Variants in SIPA1L3 observed in about 807,000 individuals in gnomAD.
SIPA1L3 encodes the protein signal induced proliferation associated 1 like 3.
In SIPA1L3, 59 loss-of-function variants were observed where a neutral mutation model predicts 150.1. The observed-to-expected ratio is 0.39, with a 90% CI of 0.32 to 0.49. The LOEUF is 0.49. Among genes scored for constraint, SIPA1L3 ranks in the 20% least tolerant of loss-of-function variants. The probability of loss-of-function intolerance (pLI) is 0.86; values close to 1 mark genes in which losing one functional copy is unlikely to be tolerated. For missense variants in SIPA1L3, 2,211 were observed against 2,489.5 expected (o/e 0.89, Z 2.38); for synonymous variants, 1,070 against 1,077.6 (o/e 0.99, Z 0.14).
chr19:38,132,290 T>C (rs1971329978), intron 10 of SIPA1L3, among the ~76,000 whole-genome samples: 1 of 151,458 alleles, frequency 6.6e-6, no homozygotes, highest in African/African-American at 2.4e-5. Context: ...CCGGGTGTGG[T>C]GGCTCACACC....
At chr19:38,102,879 C>G (rs1568551323) in intron 6 of SIPA1L3, among the ~76,000 whole-genome samples, 1 of 152,086 alleles carries the variant, frequency 6.6e-6, no homozygotes, top group Non-Finnish European at 1.5e-5. Context: ...AATCCCAGCA[C>G]TTTGTGAGGC....
chr19:38,028,328 C>G (rs1454392192), intron 1 of SIPA1L3, among the ~76,000 whole-genome samples: 1 of 152,148 alleles, frequency 6.6e-6, no homozygotes, highest in Non-Finnish European at 1.5e-5. Flanking sequence ...CACCGCTTGC[C>G]CCTCACTCAC....
chr19:38,052,946 G>A (rs1431436373), intron 2 of SIPA1L3, among the ~76,000 whole-genome samples: 5 of 152,236 alleles, frequency 3.3e-5, no homozygotes, highest in African/African-American at 9.6e-5. Flanking sequence ...GAGAGTTCTG[G>A]GTGCTGGAGT....
intron 1 of SIPA1L3, among the ~76,000 whole-genome samples, chr19:37,969,924 A>G (rs1438756716): frequency 1.3e-5 from 2 of 152,186 alleles, no homozygotes; most frequent in East Asian, 3.8e-4. Context: ...TTGTCTTTAC[A>G]TGTTTAATGC....
chr19:38,109,114 G>A (rs1000039237), intron 7 of SIPA1L3, among the ~76,000 whole-genome samples: 1 of 152,204 alleles, frequency 6.6e-6, no homozygotes, highest in Admixed American at 6.5e-5. Context: ...GGGGAGAGGT[G>A]TATTAGTCCA....
intron 1 of SIPA1L3, among the ~76,000 whole-genome samples, chr19:38,004,610 A>G (rs1486788288): frequency 6.6e-6 from 1 of 152,172 alleles, no homozygotes; most frequent in East Asian, 1.9e-4. Flanking sequence ...CTGAAAGAAA[A>G]AGAAGGTATC....
chr19:38,014,354 C>T (rs2145686256), intron 1 of SIPA1L3, among the ~76,000 whole-genome samples: 1 of 152,214 alleles, frequency 6.6e-6, no homozygotes, highest in African/African-American at 2.4e-5. Context: ...AAGCGTGCAG[C>T]ACCACCAAAT....
intron 1 of SIPA1L3, among the ~76,000 whole-genome samples, chr19:37,959,580 A>T (rs2046839117): frequency 1.3e-5 from 2 of 152,206 alleles, no homozygotes; most frequent in African/African-American, 4.8e-5. Flanking sequence ...GAGATGATAA[A>T]AATTTTCTAA....
chr19:38,082,632 C>G lies in SIPA1L3; in HGVS notation c.1067C>G (p.Ala356Gly). 6.2e-7 allele frequency: 1 copy of G among 1,605,564 alleles called. No homozygotes were observed. The highest frequency in any genetic ancestry group is 8.5e-7 in the Non-Finnish European group (1 of 1,179,740). Residue 356 changes from alanine (A) to glycine (G), a missense_variant, in exon 3 of 22, where the codon GCC becomes GGC. Transcript: ENST00000222345. ...QSMLFDLNEA[A>G]ANRVSVSQRR... ...ATGCTGTTCGACCTCAACGAGGCGG[C>G]CGCCAACAGGGTGTCGGTGTCGCAG...
At chr19:37,923,029 C>T (rs1203827008) in intron 1 of SIPA1L3, among the ~76,000 whole-genome samples, 3 of 150,654 alleles carry the variant, frequency 2.0e-5, no homozygotes, top group African/African-American at 7.3e-5. Flanking sequence ...CCCACCTACT[C>T]GGGAGGCTGA....
intron 7 of SIPA1L3, among the ~76,000 whole-genome samples, 167 bp downstream of exon 7, chr19:38,106,807 C>G (rs535549300): frequency 6.6e-6 from 1 of 152,206 alleles, no homozygotes; most frequent in Non-Finnish European, 1.5e-5. Flanking sequence ...AGGTGTGGTT[C>G]GAGATGTCAC....
At chr19:38,083,144 T>C in intron 3 of SIPA1L3, 45 bp downstream of exon 3, 1 of 1,528,492 alleles carries the variant, frequency 6.5e-7, no homozygotes, top group Non-Finnish European at 8.9e-7. Context: ...GGCCGAGGCT[T>C]GCCTCCGAGA....
chr19:38,124,687 G>A (rs1379726190), intron 9 of SIPA1L3, among the ~76,000 whole-genome samples: 1 of 140,812 alleles, frequency 7.1e-6, no homozygotes, highest in African/African-American at 2.6e-5. Flanking sequence ...CCGAGATCAC[G>A]CCACTGCACT....
intron 1 of SIPA1L3, among the ~76,000 whole-genome samples, chr19:37,929,437 CT>C (rs1458615180): frequency 6.6e-6 from 1 of 152,204 alleles, no homozygotes; most frequent in Non-Finnish European, 1.5e-5. Context: ...CAGGACTTAG[CT>C]TTTTGTTCTC....
chr19:38,103,901 CAAAAAA>C (rs66888884), intron 6 of SIPA1L3, among the ~76,000 whole-genome samples: 2 of 96,288 alleles, frequency 2.1e-5, no homozygotes, highest in African/African-American at 4.1e-5. Flanking sequence ...GACTCCATAT[CAAAAAA>C]AAAAAAAAAA....
intron 6 of SIPA1L3, among the ~76,000 whole-genome samples, chr19:38,105,433 A>G (rs1970600805): frequency 6.6e-6 from 1 of 151,800 alleles, no homozygotes; most frequent in African/African-American, 2.4e-5. Flanking sequence ...ACCACTCAGT[A>G]CAGTGTGACC....
rs56305500 is a variant in SIPA1L3, at chr19:38,106,108, A to AT, written c.2030-413dup. Among the ~76,000 whole-genome samples the AT allele has an allele frequency of 8.8e-3, 1,178 of 134,038 alleles. 15 individuals carry two copies. The highest frequency in any genetic ancestry group is 0.03 in the African/African-American group (1,067 of 35,850). The allele number at this position is 134,038 out of a possible 152,430, so 87.9% of individuals were successfully genotyped here. A position where few individuals can be genotyped will look rare whatever the true frequency, so the allele number is the denominator to read the frequency against. ...TTTCCTTTTTATCTAAATGTATTTA[A>AT]TTTTTTTTTTTTTTTTGAGACAGAG... is the stretch of plus-strand genomic sequence containing the variant. On this transcript the variant is annotated intron_variant, in intron 6 of 21. Coordinates refer to ENST00000222345, the MANE Select transcript of SIPA1L3 (RefSeq NM_015073.3).
intron 13 of SIPA1L3, among the ~76,000 whole-genome samples, chr19:38,153,694 G>A (rs1971879055): frequency 6.9e-6 from 1 of 144,354 alleles, no homozygotes; most frequent in Non-Finnish European, 1.5e-5. Context: ...AAGAGGCCAG[G>A]CCAAGGCGGG....
intron 2 of SIPA1L3, among the ~76,000 whole-genome samples, chr19:38,040,629 GAC>G (rs1439688546): frequency 6.6e-6 from 1 of 152,094 alleles, no homozygotes; most frequent in Non-Finnish European, 1.5e-5. Context: ...TTTGCTTTGA[GAC>G]AGTTTTCAGT....
Sources: allele counts gnomAD v4.1 joint callset (sites outside exome capture counted in the v4.1 genomes callset), GRCh38; gene constraint gnomAD v4.1.1; transcripts MANE v1.5; gene names NCBI Gene and HGNC (gene_info 2026-07-23, HGNC 2026-07-21).